Variants in ASTN2 observed in about 807,000 individuals in gnomAD.
ASTN2 encodes the protein astrotactin 2.
Under a neutral mutation model 139.8 loss-of-function variants are expected in ASTN2, and 54 were observed. The ratio of observed to expected loss-of-function variants is 0.39; its 90% CI spans 0.31 to 0.48. ASTN2 has a LOEUF of 0.48. ASTN2 is among the 20% of genes least tolerant of loss of function. The pLI is 0.95. For missense variants in ASTN2, 1,565 were observed against 1,725.1 expected, an observed-to-expected ratio of 0.91 and a Z score of 1.64; for synonymous variants, 756 against 719.5, an observed-to-expected ratio of 1.05 and a Z score of -0.81.
intron 16 of ASTN2, among the ~76,000 whole-genome samples, chr9:116,687,935 G>C (rs147656324): frequency 6.4e-4 from 98 of 152,094 alleles, no homozygotes; most frequent in Non-Finnish European, 1.2e-3. Flanking sequence ...GTGAGTTCTT[G>C]AGGGACTCTA....
chr9:117,109,431 A>G (rs2132783915), intron 4 of ASTN2, among the ~76,000 whole-genome samples: 2 of 152,274 alleles, frequency 1.3e-5, no homozygotes, highest in African/African-American at 4.8e-5. Context: ...GATTTCTCCA[A>G]GATTACACCC....
chr9:117,260,460 T>C (rs1168361848), intron 2 of ASTN2, among the ~76,000 whole-genome samples: 1 of 152,154 alleles, frequency 6.6e-6, no homozygotes, highest in East Asian at 1.9e-4. Context: ...CCTCACTTCC[T>C]GGTAACAAAC....
At chr9:117,300,699 A>G (rs1348488123) in intron 1 of ASTN2, among the ~76,000 whole-genome samples, 1 of 152,186 alleles carries the variant, frequency 6.6e-6, no homozygotes, top group African/African-American at 2.4e-5. Flanking sequence ...GATAATGCCA[A>G]TGGTATGCTA....
chr9:116,854,652 T>TCTC (rs34431697), intron 11 of ASTN2, among the ~76,000 whole-genome samples: 2 of 112,484 alleles, frequency 1.8e-5, no homozygotes, highest in African/African-American at 3.4e-5. Flanking sequence ...TCCTTCTCTC[T>TCTC]TTTTTTTTTT....
intron 19 of ASTN2, among the ~76,000 whole-genome samples, chr9:116,495,203 G>C (rs1423321269): frequency 6.6e-6 from 1 of 152,180 alleles, no homozygotes; most frequent in Admixed American, 6.5e-5. Flanking sequence ...TGAGACTTCA[G>C]GCTCATCCTC....
chr9:117,003,089 A>G (rs991438230), intron 7 of ASTN2, among the ~76,000 whole-genome samples: 2 of 152,238 alleles, frequency 1.3e-5, no homozygotes, highest in African/African-American at 4.8e-5. Flanking sequence ...AGGAAACTGC[A>G]CATGGGTAGT....
intron 20 of ASTN2, among the ~76,000 whole-genome samples, chr9:116,467,217 A>G (rs1225609949): frequency 6.6e-6 from 1 of 151,854 alleles, no homozygotes; most frequent in African/African-American, 2.4e-5. Context: ...TCACTTTAGA[A>G]TGCAGCCAGC....
Position 116,439,193 on chromosome 9 carries a change from CA to C in ASTN2, c.3782+1415del, listed in dbSNP as rs1429545582. ...TGATGTTGTGTTTTCTATTCAAATA[CA>C]TTTTTTTTTTTTTTTTTTTTTTTTG... On this transcript the variant is annotated intron_variant, in intron 22 of 22. Coordinates refer to ENST00000313400, the MANE Select transcript of ASTN2 (RefSeq NM_001365068.1). Among the ~76,000 whole-genome samples, 34 of 102,780 alleles carry C rather than the reference CA, an allele frequency of 3.3e-4. 1 individual carries two copies. The highest frequency in any genetic ancestry group is 1.2e-3 in the African/African-American group (32 of 26,910). The allele number at this position is 102,780 out of a possible 152,430, so 67.4% of individuals were successfully genotyped here.
In ASTN2 at chr9:116,815,528, G is replaced by A. The variant is rs1227034499; in HGVS notation, c.2207+5089C>T. 7.9e-5 allele frequency among the ~76,000 whole-genome samples: 12 copies of A among 152,102 alleles called. No individual in the cohort carries two copies. The South Asian group carries it at 1.9e-3, about 24-fold the overall frequency. ...AAACTTAAAAAATGTTAATGAGGCC[G>A]GGCGCGGTGGCTCACACCTGTAATC... On this transcript the variant is annotated intron_variant, in intron 12 of 22. Coordinates refer to ENST00000313400, the MANE Select transcript of ASTN2 (RefSeq NM_001365068.1).
chr9:117,205,366 AT>A lies in ASTN2; in HGVS notation c.1015+8991del, dbSNP rs564578015. ...CCACGTGCCAAGTCATGGGGTAGGTATTTTACACATCTTTTATTTTTATATC... is the reference window on the plus strand; with the variant it reads ...CCACGTGCCAAGTCATGGGGTAGGTATTTACACATCTTTTATTTTTATATC... On this transcript the variant is annotated intron_variant, in intron 3 of 22. Transcript: ENST00000313400. Among the ~76,000 whole-genome samples the A allele has an allele frequency of 3.6e-3, 549 of 152,252 alleles. 3 individuals are homozygous for A. Among genetic ancestry groups the A allele is most frequent in the Non-Finnish European group, 5.6e-3 (382 of 68,004 alleles).
At chr9:116,962,987 C>T (rs1171012272) in intron 10 of ASTN2, among the ~76,000 whole-genome samples, 1 of 152,168 alleles carries the variant, frequency 6.6e-6, no homozygotes, top group Non-Finnish European at 1.5e-5. Context: ...GAGCTATTTA[C>T]TGTGCTTAGA....
intron 10 of ASTN2, among the ~76,000 whole-genome samples, chr9:116,885,382 A>G (rs1021639431): frequency 1.3e-5 from 2 of 152,154 alleles, no homozygotes; most frequent in African/African-American, 4.8e-5. Flanking sequence ...ATCTCAACGG[A>G]GCACGGAGCA....
chr9:116,726,018 G>A, intron 15 of ASTN2, 68 bp from the exon 16 acceptor site: 1 of 1,486,790 alleles, frequency 6.7e-7, no homozygotes, highest in Non-Finnish European at 9.1e-7. Context: ...ATTATACGGT[G>A]GCAGGAGTTC....
At chr9:116,460,521 G>C (rs1026582236) in intron 20 of ASTN2, among the ~76,000 whole-genome samples, 1 of 152,048 alleles carries the variant, frequency 6.6e-6, no homozygotes, top group Non-Finnish European at 1.5e-5. Context: ...TTGAGTTTGA[G>C]CAACATCTCC....
At chr9:116,755,931 C>T (rs1829520710) in intron 13 of ASTN2, among the ~76,000 whole-genome samples, 1 of 152,226 alleles carries the variant, frequency 6.6e-6, no homozygotes, top group Admixed American at 6.5e-5. Flanking sequence ...AATGGCTTTT[C>T]TCTGGGAGCC....
intron 10 of ASTN2, among the ~76,000 whole-genome samples, chr9:116,907,689 T>G (rs1834199132): frequency 6.6e-6 from 1 of 152,166 alleles, no homozygotes; most frequent in African/African-American, 2.4e-5. Context: ...AGGGGCTATG[T>G]AAGAGCAAGA....
chr9:116,822,117 C>T (rs1831500479), intron 11 of ASTN2, among the ~76,000 whole-genome samples: 1 of 151,974 alleles, frequency 6.6e-6, no homozygotes, highest in South Asian at 2.1e-4. Context: ...CCCCGCTCCC[C>T]TTCCCATGCC....
chr9:116,697,146 A>G (rs1282115682), intron 16 of ASTN2, among the ~76,000 whole-genome samples: 1 of 152,162 alleles, frequency 6.6e-6, no homozygotes, highest in Non-Finnish European at 1.5e-5. Flanking sequence ...GTGGACTTGC[A>G]TGTTATACTT....
In ASTN2 at chr9:116,423,720, C is replaced by G. The variant is rs1847239979; in HGVS notation, c.*2131G>C. Among the ~76,000 whole-genome samples, 1 of 152,104 alleles carries G rather than the reference C, an allele frequency of 6.6e-6. No individual in the cohort carries two copies. Among genetic ancestry groups the G allele is most frequent in the Non-Finnish European group, 1.5e-5 (1 of 68,016 alleles). Reference sequence around the variant, plus strand: ...GCTTAGATTGTGAGAGGTTGAGAAGCTTCCCAGGCACCAAGGTTGGAAGAA... The same window carrying G: ...GCTTAGATTGTGAGAGGTTGAGAAGGTTCCCAGGCACCAAGGTTGGAAGAA... On this transcript the variant is annotated 3_prime_UTR_variant, in exon 23 of 23. Transcript: ENST00000313400.
Sources: allele counts gnomAD v4.1 joint callset (sites outside exome capture counted in the v4.1 genomes callset), GRCh38; gene constraint gnomAD v4.1.1; transcripts MANE v1.5; gene names NCBI Gene and HGNC (gene_info 2026-07-23, HGNC 2026-07-21).